INPP5D: variants seen among roughly 807,000 people sequenced by gnomAD.
INPP5D encodes phosphatidylinositol 3,4,5-trisphosphate 5-phosphatase 1.
INPP5D carries 33 observed loss-of-function variants against 122.9 expected under a neutral mutation model. The observed-to-expected ratio is 0.27, with a 90% CI of 0.20 to 0.36. INPP5D has a LOEUF of 0.36. Ranked by LOEUF, INPP5D falls within the 10% of genes least tolerant of loss-of-function variation. The probability of loss-of-function intolerance (pLI) is 1.00; values close to 1 mark genes in which losing one functional copy is unlikely to be tolerated. For synonymous variants in INPP5D, 584 were observed against 576.2 expected, an observed-to-expected ratio of 1.01 and a Z score of -0.19; for missense variants, 1,053 against 1,412.7, an observed-to-expected ratio of 0.75 and a Z score of 4.08.
In INPP5D at chr2:233,170,400, C is replaced by A. The variant is rs1369662022; in HGVS notation, c.1792-96C>A. The A allele has an allele frequency of 2.6e-6, 4 of 1,554,982 alleles. No homozygotes were observed. The highest frequency in any genetic ancestry group is 3.5e-6 in the Non-Finnish European group (4 of 1,148,192). On this transcript the variant is annotated intron_variant, in intron 15 of 26. Transcript: ENST00000445964. The surrounding 1 kb of genome is among the most constrained non-coding windows in gnomAD (Gnocchi z 4.5). Reference sequence around the variant, plus strand: ...CCACCCTGCCACCATCACTCTGCAGCCCGGGTCATCCAGCTGCCCGCCCCC... The same window carrying A: ...CCACCCTGCCACCATCACTCTGCAGACCGGGTCATCCAGCTGCCCGCCCCC...
Position 233,164,493 on chromosome 2 carries a change from G to A in INPP5D, c.1555+69G>A, listed in dbSNP as rs1210791830. 5 of 1,457,208 alleles carry A rather than the reference G, an allele frequency of 3.4e-6. No homozygotes were observed. The South Asian group carries it at 5.6e-5, about 16-fold the overall frequency. 90.3% of individuals were successfully genotyped at this position (1,457,208 alleles called of 1,614,324 possible). ...TCAACTCTCGCGACCACATCATCCT[G>A]ATCCCACCAGTAGTTCCCCGGGTTA... On this transcript the variant is annotated intron_variant, in intron 13 of 26. Coordinates refer to ENST00000445964, the MANE Select transcript of INPP5D (RefSeq NM_001017915.3). This position sits in a 1 kb window ranked among gnomAD's most constrained non-coding sequence, Gnocchi z 4.3.
At chr2:233,117,305 G>A (rs1692830490) in intron 2 of INPP5D, among the ~76,000 whole-genome samples, 2 of 152,134 alleles carry the variant, frequency 1.3e-5, no homozygotes, top group Admixed American at 1.3e-4. Flanking sequence ...ATCGGGGGAC[G>A]CAGGCATTTG....
chr2:233,170,430 C>G lies in INPP5D; in HGVS notation c.1792-66C>G. 3 of 1,604,060 alleles carry G rather than the reference C, an allele frequency of 1.9e-6. No individual in the cohort carries two copies. Among genetic ancestry groups the G allele is most frequent in the Non-Finnish European group, 2.6e-6 (3 of 1,174,812 alleles). ...GTCATCCAGCTGCCCGCCCCCAGCC[C>G]CGAAGCTTGTCAGGCCTGGATCAGC... is the stretch of plus-strand genomic sequence containing the variant. On this transcript the variant is annotated intron_variant, in intron 15 of 26. Coordinates refer to ENST00000445964, the MANE Select transcript of INPP5D (RefSeq NM_001017915.3). The surrounding 1 kb of genome is among the most constrained non-coding windows in gnomAD (Gnocchi z 4.5).
chr2:233,103,702 CTTTTT>C (rs61589704), intron 2 of INPP5D, among the ~76,000 whole-genome samples: 1 of 116,150 alleles, frequency 8.6e-6, no homozygotes. Flanking sequence ...AAAAGTAGTT[CTTTTT>C]TTTTTTTTTT....
intron 23 of INPP5D, among the ~76,000 whole-genome samples, chr2:233,194,204 G>A (rs774390054): frequency 6.6e-5 from 10 of 151,932 alleles, no homozygotes; most frequent in South Asian, 2.1e-4. Flanking sequence ...TTAGGGCCCC[G>A]AACCTCACCT....
chr2:233,123,324 C>T lies in INPP5D; in HGVS notation c.349+1067C>T, dbSNP rs1158002765. Among the ~76,000 whole-genome samples, 9 of 152,028 alleles carry T rather than the reference C, an allele frequency of 5.9e-5. No homozygotes were observed. The South Asian group carries it at 6.2e-4, about 11-fold the overall frequency. On this transcript the variant is annotated intron_variant, in intron 3 of 26. Coordinates refer to ENST00000445964, the MANE Select transcript of INPP5D (RefSeq NM_001017915.3). Reference sequence around the variant, plus strand: ...CAAAAATTAGCCAGGTGTGGTGGTACGCGCCTGTAGTTCCAGCTACTTGGG... The same window carrying T: ...CAAAAATTAGCCAGGTGTGGTGGTATGCGCCTGTAGTTCCAGCTACTTGGG...
chr2:233,129,266 G>A (rs1210708442), intron 4 of INPP5D, among the ~76,000 whole-genome samples: 1 of 152,158 alleles, frequency 6.6e-6, no homozygotes, highest in Admixed American at 6.5e-5. Flanking sequence ...TTGTAAAACA[G>A]GAATAATTAG....
chr2:233,180,264 G>A (rs527527190), intron 18 of INPP5D, among the ~76,000 whole-genome samples: 11 of 151,960 alleles, frequency 7.2e-5, no homozygotes, highest in South Asian at 4.2e-4. Flanking sequence ...GGGTCTTTGA[G>A]GGTCACCCAT....
rs577446730 is a variant in INPP5D, at chr2:233,177,006, G to A, written c.1990-259G>A. On this transcript the variant is annotated intron_variant, in intron 17 of 26. Coordinates refer to ENST00000445964, the MANE Select transcript of INPP5D (RefSeq NM_001017915.3). The surrounding 1 kb of genome is among the most constrained non-coding windows in gnomAD (Gnocchi z 4.2). Reference sequence around the variant, plus strand: ...AAAGTAAGAGAAGGTGAAGATACAAGGGATACTGAAGTAGTCAGGAGGATA... The same window carrying A: ...AAAGTAAGAGAAGGTGAAGATACAAAGGATACTGAAGTAGTCAGGAGGATA... Among the ~76,000 whole-genome samples the A allele has an allele frequency of 1.3e-5, 2 of 152,180 alleles. No individual in the cohort carries two copies. The highest frequency in any genetic ancestry group is 3.9e-4 in the East Asian group (2 of 5,166).
chr2:233,068,620 G>A (rs918717066), intron 1 of INPP5D, among the ~76,000 whole-genome samples: 7 of 152,084 alleles, frequency 4.6e-5, no homozygotes, highest in African/African-American at 1.4e-4. Flanking sequence ...CTGGCAATTA[G>A]TCTTTATGAG....
chr2:233,146,868 A>G (rs573372644), intron 8 of INPP5D, among the ~76,000 whole-genome samples: 67 of 152,236 alleles, frequency 4.4e-4, no homozygotes, highest in African/African-American at 1.5e-3. Flanking sequence ...TCTTCTTTAC[A>G]ATCCCCAGAG....
chr2:233,156,114 T>C (rs1043549166), intron 9 of INPP5D, among the ~76,000 whole-genome samples: 1 of 152,196 alleles, frequency 6.6e-6, no homozygotes, highest in Admixed American at 6.5e-5. Context: ...GCCTGAGACC[T>C]GAGTGTCAGG....
chr2:233,110,952 A>C (rs1170953610), intron 2 of INPP5D, among the ~76,000 whole-genome samples: 5 of 150,696 alleles, frequency 3.3e-5, no homozygotes, highest in African/African-American at 1.2e-4. Context: ...AAAAAAAAAA[A>C]CTGTTGCTTC....
intron 6 of INPP5D, chr2:233,145,204 T>TG (rs1338778025): frequency 1.3e-5 from 6 of 456,046 alleles, no homozygotes; most frequent in Non-Finnish European, 2.6e-5. Context: ...TGTGAATAAG[T>TG]GCATGAGACC....
rs558727879 is a variant in INPP5D at position 233,073,191 on chromosome 2, G to A, written c.135-6144G>A. ...AAGGGTAGAGAGTGGGTCTCGCTGG[G>A]GGAGGGGAGGCAGGGAGAGGCTGTC... On this transcript the variant is annotated intron_variant, in intron 1 of 26. Coordinates refer to ENST00000445964, the MANE Select transcript of INPP5D (RefSeq NM_001017915.3). Among the ~76,000 whole-genome samples, 3 of 152,312 alleles carry A rather than the reference G, an allele frequency of 2.0e-5. No homozygotes were observed. In the South Asian group the frequency reaches 6.2e-4, roughly 32 times the overall value.
chr2:233,178,038 T>A (rs983925687), intron 18 of INPP5D, among the ~76,000 whole-genome samples: 5 of 152,222 alleles, frequency 3.3e-5, no homozygotes, highest in African/African-American at 1.2e-4. Context: ...CATATATATT[T>A]GGGGAGGTTT....
chr2:233,129,247 TTC>T (rs1171924740), intron 4 of INPP5D, among the ~76,000 whole-genome samples: 1 of 152,194 alleles, frequency 6.6e-6, no homozygotes, highest in African/African-American at 2.4e-5. Flanking sequence ...TAAGCCTCAG[TTC>T]TCTGATTTGT....
intron 5 of INPP5D, among the ~76,000 whole-genome samples, chr2:233,133,794 G>A (rs573250848): frequency 7.9e-5 from 12 of 152,240 alleles, no homozygotes; most frequent in Non-Finnish European, 1.6e-4. Flanking sequence ...ACTGCCCAAA[G>A]CAGGAGACCA....
intron 1 of INPP5D, among the ~76,000 whole-genome samples, chr2:233,065,150 T>C (rs1320467690): frequency 6.6e-6 from 1 of 152,182 alleles, no homozygotes; most frequent in East Asian, 1.9e-4. Flanking sequence ...AGAGCAAGCA[T>C]GTTAAAATGG....
Sources: allele counts gnomAD v4.1 joint callset (sites outside exome capture counted in the v4.1 genomes callset), GRCh38; gene constraint gnomAD v4.1.1; non-coding constraint Gnocchi (gnomAD v3.1); transcripts MANE v1.5; gene names NCBI Gene and HGNC (gene_info 2026-07-23, HGNC 2026-07-21).